SPAG17: variants seen among roughly 807,000 people sequenced by gnomAD.
SPAG17 encodes the protein sperm associated antigen 17.
A neutral mutation model predicts 273.6 loss-of-function variants in SPAG17; 169 were observed. The ratio of observed to expected loss-of-function variants is 0.62; its 90% confidence interval spans 0.55 to 0.70. The LOEUF is 0.70. Ranked by LOEUF, SPAG17 falls within the 30% of genes least tolerant of loss-of-function variation. SPAG17 has a pLI of 0.00. For synonymous variants in SPAG17, 825 were observed against 873.2 expected (o/e 0.94, Z 0.97); for missense variants, 2,557 against 2,627.8 (o/e 0.97, Z 0.59).
intron 3 of SPAG17, chr1:118,150,267 G>T (rs189202307): frequency 2.5e-5 from 6 of 242,080 alleles, no homozygotes; most frequent in Admixed American, 5.6e-5. Context: ...TGTGTCTATA[G>T]AAGTTTCTGA....
chr1:118,099,982 A>C (rs1284475729), intron 5 of SPAG17, among the ~76,000 whole-genome samples, 182 bp from the exon 6 acceptor site: 2 of 152,218 alleles, frequency 1.3e-5, no homozygotes, highest in Non-Finnish European at 2.9e-5. Context: ...TTCCAGTAAG[A>C]CGGCTGTGAC....
chr1:117,991,895 C>G (rs1043833406), intron 36 of SPAG17, among the ~76,000 whole-genome samples: 3 of 152,086 alleles, frequency 2.0e-5, no homozygotes, highest in Admixed American at 1.3e-4. Context: ...TGGAATTTGC[C>G]TAGTTCATGT....
At chr1:118,020,494 T>C (rs1660397789) in intron 28 of SPAG17, among the ~76,000 whole-genome samples, 2 of 151,486 alleles carry the variant, frequency 1.3e-5, no homozygotes, top group Admixed American at 1.3e-4. Flanking sequence ...AAGGTTAAAT[T>C]AGTGAAGATA....
chr1:117,975,653 A>G (rs1655050053), intron 43 of SPAG17, among the ~76,000 whole-genome samples: 1 of 152,222 alleles, frequency 6.6e-6, no homozygotes, highest in African/African-American at 2.4e-5. Flanking sequence ...TTGGAAGAAT[A>G]GAGATTTCCA....
intron 1 of SPAG17, among the ~76,000 whole-genome samples, chr1:118,168,585 G>A (rs1409366171): frequency 6.6e-6 from 1 of 152,092 alleles, no homozygotes; most frequent in Non-Finnish European, 1.5e-5. Flanking sequence ...AGGTGCTATA[G>A]CCAGCAAGGA....
At chr1:118,049,312 A>G (rs1650730023) in intron 20 of SPAG17, among the ~76,000 whole-genome samples, 2 of 152,230 alleles carry the variant, frequency 1.3e-5, no homozygotes, top group Non-Finnish European at 2.9e-5. Flanking sequence ...TGTTAGATGC[A>G]AAACTCCTCC....
At chr1:117,968,370 G>A (rs1364180388) in intron 46 of SPAG17, among the ~76,000 whole-genome samples, 2 of 152,130 alleles carry the variant, frequency 1.3e-5, no homozygotes, top group Admixed American at 6.5e-5. Context: ...AAATTAAAAT[G>A]AGATTTGCTA....
At chr1:118,080,320 T>C (rs896966112) in intron 15 of SPAG17, among the ~76,000 whole-genome samples, 11 of 152,090 alleles carry the variant, frequency 7.2e-5, no homozygotes, top group Admixed American at 6.6e-4. Flanking sequence ...AAAAGAGAAC[T>C]CAGGGTGGAG....
chr1:118,114,974 T>C (rs1424825250), intron 4 of SPAG17, among the ~76,000 whole-genome samples: 1 of 152,282 alleles, frequency 6.6e-6, no homozygotes, highest in Non-Finnish European at 1.5e-5. Context: ...CCCCCAACTG[T>C]CCTTTTCATA....
intron 22 of SPAG17, among the ~76,000 whole-genome samples, chr1:118,039,977 T>G (rs1198977382): frequency 2.0e-5 from 3 of 152,168 alleles, no homozygotes; most frequent in East Asian, 3.8e-4. Flanking sequence ...ATGAACTGGC[T>G]GAGGCAATGT....
At chr1:117,987,915 G>T in intron 39 of SPAG17, 34 bp from the exon 40 acceptor site, 2 of 1,610,786 alleles carry the variant, frequency 1.2e-6, no homozygotes, top group East Asian at 4.5e-5. Context: ...TGGTGAAAAG[G>T]GGCAATGATT....
At chr1:118,045,328 G>A (rs146787416) in intron 20 of SPAG17, among the ~76,000 whole-genome samples, 1 of 152,282 alleles carries the variant, frequency 6.6e-6, no homozygotes, top group African/African-American at 2.4e-5. Flanking sequence ...CAGGAGGGAG[G>A]AGGAGCCAGA....
At chr1:118,018,149 G>C (rs1161931161) in intron 28 of SPAG17, among the ~76,000 whole-genome samples, 1 of 152,188 alleles carries the variant, frequency 6.6e-6, no homozygotes, top group Non-Finnish European at 1.5e-5. Context: ...CTGAGTATTT[G>C]TTTTCTTAGC....
chr1:118,173,841 C>T (rs888622082), intron 1 of SPAG17, among the ~76,000 whole-genome samples: 6 of 125,756 alleles, frequency 4.8e-5, no homozygotes, highest in African/African-American at 1.6e-4. Flanking sequence ...GCCTGGGTGA[C>T]AGAGCGAGAC....
intron 3 of SPAG17, among the ~76,000 whole-genome samples, chr1:118,131,806 G>A (rs2102298971): frequency 6.6e-6 from 1 of 152,280 alleles, no homozygotes; most frequent in South Asian, 2.1e-4. Context: ...TTACTCAGAG[G>A]ATTTTCTATA....
At chr1:117,997,468 T>A (rs1339248471) in intron 32 of SPAG17, among the ~76,000 whole-genome samples, 1 of 147,322 alleles carries the variant, frequency 6.8e-6, no homozygotes, top group Non-Finnish European at 1.5e-5. Flanking sequence ...TATCTACATA[T>A]CAAAACAAAG....
intron 48 of SPAG17, chr1:117,960,879 T>TTTA (rs1652988041): frequency 6.6e-6 from 1 of 152,370 alleles, no homozygotes; most frequent in African/African-American, 2.4e-5. Context: ...AATAGTCTAG[T>TTTA]ATCTACATAT....
At position 118,148,460 on chromosome 1, in the gene SPAG17, TGCTGATTGGTCCACTTTACAGAGC is replaced by T. The variant is rs1323352715; in HGVS notation, c.315+2059_315+2082del. 2.0e-5 allele frequency among the ~76,000 whole-genome samples: 3 copies of T among 152,302 alleles called. No individual in the cohort carries two copies. The East Asian group carries it at 5.8e-4, about 29-fold the overall frequency. ...CCCTTATTTGGCCCTGCCCACATCC[TGCTGATTGGTCCACTTTACAGAGC>T]GCTGATTGGTCCATTTTACAGACTG... On this transcript the variant is annotated intron_variant, in intron 3 of 48. Coordinates refer to ENST00000336338, the MANE Select transcript of SPAG17 (RefSeq NM_206996.4).
intron 30 of SPAG17, among the ~76,000 whole-genome samples, chr1:118,009,418 C>T (rs975113665): frequency 6.6e-5 from 10 of 152,154 alleles, no homozygotes; most frequent in Middle Eastern, 3.4e-3. Context: ...AGGGAACTCA[C>T]GGAATAACTT....
Sources: allele counts gnomAD v4.1 joint callset (sites outside exome capture counted in the v4.1 genomes callset), GRCh38; gene constraint gnomAD v4.1.1; transcripts MANE v1.5; gene names NCBI Gene and HGNC (gene_info 2026-07-23, HGNC 2026-07-21).